LPIN1: variants seen among roughly 807,000 people sequenced by gnomAD.
LPIN1 encodes lipin 1, also known as phosphatidate phosphatase LPIN1.
Under a neutral mutation model 107.5 loss-of-function variants are expected in LPIN1, and 71 were observed. That is an observed-to-expected ratio of 0.66 (90% confidence interval 0.55 to 0.80). The LOEUF is 0.80. Among genes scored for constraint, LPIN1 ranks in the 30% least tolerant of loss-of-function variants. The pLI, the probability that LPIN1 is intolerant of heterozygous loss-of-function variation, is 0.00. For missense variants in LPIN1, 1,043 were observed against 1,160.6 expected (o/e 0.90, Z 1.47); for synonymous variants, 445 against 452.6 (o/e 0.98, Z 0.21).
chr2:11,764,119 C>CACACAA (rs1398524726), intron 1 of LPIN1: 2 of 144,330 alleles, frequency 1.4e-5, no homozygotes, highest in African/African-American at 5.1e-5. Context: ...CACACACACA[C>CACACAA]AACGACTAAA....
intron 2 of LPIN1, among the ~76,000 whole-genome samples, chr2:11,714,932 C>T (rs1439756375): frequency 6.6e-6 from 1 of 152,200 alleles, no homozygotes; most frequent in Non-Finnish European, 1.5e-5. Context: ...AATCCAGAGG[C>T]GTCAGTGACA....
At chr2:11,721,468 C>T (rs563331799), upstream of LPIN1, among the ~76,000 whole-genome samples, 2 of 152,176 alleles carry the variant, frequency 1.3e-5, no homozygotes, top group African/African-American at 4.8e-5. Flanking sequence ...TGCAGGGTCT[C>T]ATAGTAAGGG....
chr2:11,678,566 C>A (rs1661546929), intron 1 of LPIN1, among the ~76,000 whole-genome samples: 1 of 152,192 alleles, frequency 6.6e-6, no homozygotes, highest in African/African-American at 2.4e-5. Context: ...GGGTTTTCTG[C>A]ATCCTAGGGG....
At chr2:11,819,226 A>T (rs1254897604) in intron 18 of LPIN1, 2 of 458,352 alleles carry the variant, frequency 4.4e-6, no homozygotes, top group East Asian at 4.0e-5. Flanking sequence ...ATGCTCTGTC[A>T]TTCTTTGTTC....
chr2:11,792,147 A>G lies in LPIN1; in HGVS notation c.1806+141A>G, dbSNP rs577140620. On this transcript the variant is annotated intron_variant, in intron 13 of 20. Transcript: ENST00000674199. Reference sequence around the variant, plus strand: ...CCATGAGCCAGCTCTGCCATGAAGTAGGGCGAGTGCTCGTGGAACGTGGGG... The same window carrying G: ...CCATGAGCCAGCTCTGCCATGAAGTGGGGCGAGTGCTCGTGGAACGTGGGG... 35 of 745,050 alleles carry G rather than the reference A, an allele frequency of 4.7e-5. No homozygotes were observed. The South Asian group carries it at 4.9e-4, about 10-fold the overall frequency. 46.2% of individuals were successfully genotyped at this position (745,050 alleles called of 1,614,324 possible).
In LPIN1 at chr2:11,824,846, A is replaced by G. The variant is rs1682165361; in HGVS notation, c.*55A>G. 3 of 1,603,662 alleles carry G rather than the reference A, an allele frequency of 1.9e-6. No homozygotes were observed. Among genetic ancestry groups the G allele is most frequent in the Non-Finnish European group, 1.7e-6 (2 of 1,171,672 alleles). ...GCAGAGCCTGGTTGTCACCCATTAAAGGATAGGTCTCCCCGGAGTGCACAG... is the reference window on the plus strand; with the variant it reads ...GCAGAGCCTGGTTGTCACCCATTAAGGGATAGGTCTCCCCGGAGTGCACAG... On this transcript the variant is annotated 3_prime_UTR_variant, in exon 21 of 21. Coordinates refer to ENST00000674199, the MANE Select transcript of LPIN1 (RefSeq NM_001349206.2).
chr2:11,722,648 A>G (rs62113263), upstream of LPIN1: 10,402 of 152,334 alleles, frequency 0.068, 475 homozygotes, highest in Middle Eastern at 0.15. Context: ...GGAGTGTTAC[A>G]TAAGCCAGAA....
At chr2:11,754,228 C>T (rs1021061236) in intron 1 of LPIN1, among the ~76,000 whole-genome samples, 4 of 152,200 alleles carry the variant, frequency 2.6e-5, no homozygotes, top group Non-Finnish European at 4.4e-5. Context: ...TAAGGGGCAC[C>T]CCATCCCAGA....
In LPIN1 at chr2:11,783,941, C is replaced by A. The variant is rs767874622; in HGVS notation, c.1358+19C>A. ...CCAAAAAGTAAAATTCCTGTTAATT[C>A]CTCACATCATTTCCTATAATCTGAA... On this transcript the variant is annotated intron_variant, in intron 9 of 20. Coordinates refer to ENST00000674199, the MANE Select transcript of LPIN1 (RefSeq NM_001349206.2). 1 of 1,613,542 alleles carries A rather than the reference C, an allele frequency of 6.2e-7. No homozygotes were observed. The highest frequency in any genetic ancestry group is 8.5e-7 in the Non-Finnish European group (1 of 1,179,536).
chr2:11,701,532 C>T (rs1263579959), intron 1 of LPIN1, among the ~76,000 whole-genome samples: 2 of 152,176 alleles, frequency 1.3e-5, no homozygotes, highest in Non-Finnish European at 2.9e-5. Context: ...TGAGTTAATG[C>T]ATCATACTGT....
intron 7 of LPIN1, among the ~76,000 whole-genome samples, chr2:11,781,385 G>T (rs955418232): frequency 6.6e-6 from 1 of 152,236 alleles, no homozygotes; most frequent in Non-Finnish European, 1.5e-5. Context: ...CAAAATAGTT[G>T]TAACCACAGA....
upstream of LPIN1, chr2:11,746,550 C>A: frequency 1.6e-6 from 1 of 614,012 alleles, no homozygotes; most frequent in Non-Finnish European, 2.0e-6. Flanking sequence ...CGCACCGCCC[C>A]GCTTGCCCCG....
At chr2:11,730,685 G>A (rs1665101055) in intron 1 of LPIN1, among the ~76,000 whole-genome samples, 1 of 152,098 alleles carries the variant, frequency 6.6e-6, no homozygotes, top group Non-Finnish European at 1.5e-5. Flanking sequence ...TGCTGTTGGG[G>A]GCTTGAGTTA....
At chr2:11,751,611 C>T (rs749131641) in intron 1 of LPIN1, among the ~76,000 whole-genome samples, 63 of 152,094 alleles carry the variant, frequency 4.1e-4, no homozygotes, top group South Asian at 8.3e-4. Flanking sequence ...CCAGCACTTT[C>T]GGAGGCCGAG....
At chr2:11,730,065 C>G (rs1665037539) in intron 1 of LPIN1, among the ~76,000 whole-genome samples, 1 of 151,648 alleles carries the variant, frequency 6.6e-6, no homozygotes, top group East Asian at 1.9e-4. Flanking sequence ...TTTATTCCAC[C>G]CTACTCTTTC....
intron 2 of LPIN1, among the ~76,000 whole-genome samples, chr2:11,766,768 C>CACAAACAA (rs546814117): frequency 1.3e-5 from 1 of 78,758 alleles, no homozygotes; most frequent in Non-Finnish European, 2.4e-5. Flanking sequence ...AAAAAACAAA[C>CACAAACAA]ACAAACAAAC....
chr2:11,752,433 A>ATT (rs34156190), intron 1 of LPIN1, among the ~76,000 whole-genome samples: 12 of 103,912 alleles, frequency 1.2e-4, no homozygotes, highest in African/African-American at 5.1e-4. Flanking sequence ...TTCCAAGGCC[A>ATT]TTTTTTTTTT....
At chr2:11,677,689 C>G in exon 1 of LPIN1, 1 of 1,535,744 alleles carries the variant, frequency 6.5e-7, no homozygotes, top group Non-Finnish European at 8.7e-7. Context: ...GCTGGGAGAC[C>G]TCGCAGGGCA....
At chr2:11,811,788 C>T (rs562249206) in intron 17 of LPIN1, among the ~76,000 whole-genome samples, 2 of 152,278 alleles carry the variant, frequency 1.3e-5, no homozygotes, top group Admixed American at 6.5e-5. Flanking sequence ...AGATCGAGAC[C>T]ATCCTGGCCG....
Sources: gnomAD v4.1 joint callset for allele counts (sites outside exome capture counted in the v4.1 genomes callset) on GRCh38, gnomAD v4.1.1 for gene constraint, MANE v1.5 for transcripts, NCBI Gene and HGNC (gene_info 2026-07-23, HGNC 2026-07-21) for gene names.